Variants in PRUNE2 observed in about 807,000 individuals in gnomAD.
PRUNE2 encodes the protein prune homolog 2 with BCH domain, also known as protein prune homolog 2.
PRUNE2 carries 164 observed loss-of-function variants against 252.0 expected under a neutral mutation model. That is an observed-to-expected ratio of 0.65 (90% CI 0.57 to 0.74). The LOEUF (loss-of-function observed/expected upper bound fraction) is 0.74, where lower values mean the gene tolerates loss of function less well. PRUNE2 is among the 30% of genes least tolerant of loss of function. The pLI is 0.00. For synonymous variants in PRUNE2, 1,292 were observed against 1,350.2 expected (o/e 0.96, Z 0.94); for missense variants, 3,495 against 3,711.0 (o/e 0.94, Z 1.51).
At chr9:76,775,424 G>C (rs568661945) in intron 6 of PRUNE2, among the ~76,000 whole-genome samples, 2 of 152,062 alleles carry the variant, frequency 1.3e-5, no homozygotes, top group African/African-American at 2.4e-5. Context: ...AGCCTCCAGA[G>C]TAGCTGGGAC....
chr9:76,784,126 G>A (rs1410870767), intron 6 of PRUNE2: 23 of 152,222 alleles, frequency 1.5e-4, no homozygotes, highest in Admixed American at 1.5e-3. Flanking sequence ...ATCCCTGGGA[G>A]AAATGCCCGG....
chr9:76,756,912 A>T (rs1190797544), intron 6 of PRUNE2, among the ~76,000 whole-genome samples: 1 of 151,768 alleles, frequency 6.6e-6, no homozygotes, highest in Non-Finnish European at 1.5e-5. Context: ...GGAATAGCCA[A>T]TGCAAGCAAA....
rs536950934 is a variant in PRUNE2 at position 76,760,512 on chromosome 9, C to A, written c.757-46791G>T. 3.3e-5 allele frequency among the ~76,000 whole-genome samples: 5 copies of A among 152,204 alleles called. No homozygotes were observed. The South Asian group carries it at 1.0e-3, about 32-fold the overall frequency. On this transcript the variant is annotated intron_variant, in intron 6 of 18. Transcript: ENST00000376718. ...CATGCTTATGACTTGTATCCAAAAC[C>A]ATTAGAATAACCTCACTGCTCTTCC...
At chr9:76,873,995 G>C (rs1194371711) in intron 1 of PRUNE2, among the ~76,000 whole-genome samples, 1 of 152,140 alleles carries the variant, frequency 6.6e-6, no homozygotes, top group African/African-American at 2.4e-5. Flanking sequence ...GAACAAAACA[G>C]GGCAACTTAT....
intron 1 of PRUNE2, among the ~76,000 whole-genome samples, chr9:76,876,699 T>C (rs963112602): frequency 3.3e-5 from 5 of 152,228 alleles, no homozygotes; most frequent in East Asian, 1.9e-4. Flanking sequence ...CTGTTTCTAA[T>C]ACCGCTGCTA....
intron 9 of PRUNE2, among the ~76,000 whole-genome samples, chr9:76,670,154 T>C (rs1381784430): frequency 6.6e-6 from 1 of 152,054 alleles, no homozygotes; most frequent in Non-Finnish European, 1.5e-5. Context: ...TTCATCTCAC[T>C]AGGGAGTGCC....
chr9:76,636,629 T>C lies in PRUNE2; in HGVS notation c.8964-72A>G, dbSNP rs1840179033. 7.5e-6 allele frequency: 6 copies of C among 802,808 alleles called. No individual in the cohort carries two copies. The South Asian group carries it at 7.7e-5, about 10-fold the overall frequency. 49.7% of individuals were successfully genotyped at this position (802,808 alleles called of 1,614,324 possible). On this transcript the variant is annotated intron_variant, in intron 14 of 18. Coordinates refer to ENST00000376718, the MANE Select transcript of PRUNE2 (RefSeq NM_015225.3). Reference sequence around the variant, plus strand: ...AGTGGGAATTAAAACATAAAACATATTCCTAAATAAGAATATATATAATTT... The same window carrying C: ...AGTGGGAATTAAAACATAAAACATACTCCTAAATAAGAATATATATAATTT...
At chr9:76,700,405 T>G (rs564839501) in intron 9 of PRUNE2, 11 of 152,348 alleles carry the variant, frequency 7.2e-5, no homozygotes, top group African/African-American at 2.6e-4. Context: ...AGGTTTTTGT[T>G]TGGGAAACCA....
intron 6 of PRUNE2, among the ~76,000 whole-genome samples, chr9:76,734,229 C>A (rs2048882923): frequency 6.6e-6 from 1 of 152,038 alleles, no homozygotes; most frequent in Admixed American, 6.6e-5. Context: ...AAGGTGCCTT[C>A]CAGTTCTGAT....
chr9:76,880,959 ATTT>A (rs1212200598), intron 1 of PRUNE2, among the ~76,000 whole-genome samples: 1 of 137,128 alleles, frequency 7.3e-6, no homozygotes. Flanking sequence ...ATCCTTGTTA[ATTT>A]TTTTTTTTTT....
chr9:76,826,843 T>A, intron 4 of PRUNE2, 111 bp from the exon 5 acceptor site: 2 of 880,880 alleles, frequency 2.3e-6, no homozygotes, highest in Non-Finnish European at 3.5e-6. Flanking sequence ...TTTCTGTCTC[T>A]CACCTGGACC....
intron 18 of PRUNE2, among the ~76,000 whole-genome samples, chr9:76,616,453 T>C (rs1404657427): frequency 6.6e-6 from 1 of 152,184 alleles, no homozygotes; most frequent in African/African-American, 2.4e-5. Flanking sequence ...GCACATCGTC[T>C]AAAAACTGCG....
At chr9:76,854,353 G>C in intron 1 of PRUNE2, 145 bp from the exon 2 acceptor site, 2 of 465,730 alleles carry the variant, frequency 4.3e-6, no homozygotes, top group South Asian at 5.4e-5. Flanking sequence ...TTTTACATGA[G>C]AACATAAAAA....
Position 76,706,080 on chromosome 9 carries a change from G to A in PRUNE2, c.6194C>T (p.Ser2065Phe). The A allele has an allele frequency of 1.2e-6, 2 of 1,614,032 alleles. No individual in the cohort carries two copies. Among genetic ancestry groups the A allele is most frequent in the Non-Finnish European group, 8.5e-7 (1 of 1,179,888 alleles). The change falls in exon 8 of 19, where the codon TCT becomes TTT. Residue 2065 changes from serine to phenylalanine, a missense_variant. Physicochemically the swap from Ser to Phe is radical, Grantham distance 155. Transcript: ENST00000376718. ...GNFQEGGQLA[S>F]AAPDLWIDAK... The stretch of plus-strand genomic sequence containing the variant: ...ATCTATCCACAAGTCAGGCGCGGCA[G>A]AGGCCAGCTGCCCACCCTCTTGAAA...
chr9:76,627,340 G>A (rs924047718), intron 16 of PRUNE2, among the ~76,000 whole-genome samples: 7 of 151,470 alleles, frequency 4.6e-5, no homozygotes, highest in African/African-American at 1.7e-4. Context: ...TTGAACTCCT[G>A]GACTCAAGCT....
intron 12 of PRUNE2, among the ~76,000 whole-genome samples, chr9:76,638,989 C>T (rs1841365816): frequency 6.6e-6 from 1 of 152,150 alleles, no homozygotes; most frequent in Non-Finnish European, 1.5e-5. Flanking sequence ...TCTGAAAAAA[C>T]TGACACATTG....
chr9:76,653,527 A>G (rs1848180957), intron 10 of PRUNE2, among the ~76,000 whole-genome samples: 1 of 152,066 alleles, frequency 6.6e-6, no homozygotes, highest in Non-Finnish European at 1.5e-5. Context: ...TTTTTCTTTG[A>G]ATATTTTTCT....
At chr9:76,735,534 G>A (rs570226772) in intron 6 of PRUNE2, among the ~76,000 whole-genome samples, 2 of 150,322 alleles carry the variant, frequency 1.3e-5, no homozygotes, top group South Asian at 2.1e-4. Context: ...GGACTCCTAC[G>A]AGCCCAGAAC....
Position 76,706,846 on chromosome 9 carries a change from T to C in PRUNE2, c.5428A>G (p.Lys1810Glu). Residue 1810 changes from lysine (K) to glutamate (E), a missense_variant, in exon 8 of 19, where the codon AAG (lysine) becomes GAG (glutamate). Transcript: ENST00000376718. ...TCCAGTTGAGAATTATCTTCGTTCT[T>C]TGGGAACGAAGCTTTGGGAGATATT... is the stretch of plus-strand genomic sequence containing the variant. ...WQISPKASFP[K>E]NEDNSQLEML... 6.3e-7 allele frequency: 1 copy of C among 1,595,432 alleles called. No individual in the cohort carries two copies. The highest frequency in any genetic ancestry group is 8.5e-7 in the Non-Finnish European group (1 of 1,171,000).
Sources: allele counts gnomAD v4.1 joint callset (sites outside exome capture counted in the v4.1 genomes callset), GRCh38; gene constraint gnomAD v4.1.1; transcripts MANE v1.5; gene names NCBI Gene and HGNC (gene_info 2026-07-23, HGNC 2026-07-21).